PRKG1: variants seen among roughly 807,000 people sequenced by gnomAD.
PRKG1 encodes the protein protein kinase cGMP-dependent 1.
A neutral mutation model predicts 88.1 loss-of-function variants in PRKG1; 35 were observed. That is an observed-to-expected ratio of 0.40 (90% CI 0.30 to 0.53). PRKG1 has a LOEUF of 0.53. PRKG1 is among the 20% of genes least tolerant of loss of function. PRKG1 has a pLI of 0.59. For synonymous variants in PRKG1, 303 were observed against 292.5 expected, an observed-to-expected ratio of 1.04 and a Z score of -0.37; for missense variants, 540 against 839.8, an observed-to-expected ratio of 0.64 and a Z score of 4.41.
intron 1 of PRKG1, among the ~76,000 whole-genome samples, chr10:51,111,803 G>A (rs1290184469): frequency 6.6e-6 from 1 of 152,124 alleles, no homozygotes; most frequent in Non-Finnish European, 1.5e-5. Context: ...GAAGTTCGGA[G>A]AGGTGTTTTT....
At chr10:51,148,100 A>T (rs1456151178) in intron 1 of PRKG1, 1 of 253,266 alleles carries the variant, frequency 3.9e-6, no homozygotes, top group East Asian at 1.8e-4. Flanking sequence ...CAAATATTTC[A>T]CAATAGATGG....
intron 3 of PRKG1, among the ~76,000 whole-genome samples, chr10:51,600,499 C>T (rs1040267325): frequency 2.0e-5 from 3 of 152,234 alleles, no homozygotes; most frequent in African/African-American, 7.2e-5. Context: ...AAATAAAATA[C>T]AGCCACATAG....
At chr10:51,980,026 G>A (rs558166007) in intron 5 of PRKG1, among the ~76,000 whole-genome samples, 2 of 151,956 alleles carry the variant, frequency 1.3e-5, no homozygotes, top group East Asian at 3.9e-4. Flanking sequence ...TGCTGGCTTT[G>A]GGGTTGCTTT....
intron 5 of PRKG1, among the ~76,000 whole-genome samples, chr10:52,026,618 T>C (rs1013891857): frequency 2.4e-4 from 36 of 152,340 alleles, no homozygotes; most frequent in African/African-American, 7.7e-4. Flanking sequence ...GAAAAGATTC[T>C]TAAATTAGAG....
chr10:51,490,609 A>G (rs1840680292), intron 3 of PRKG1, among the ~76,000 whole-genome samples: 2 of 152,148 alleles, frequency 1.3e-5, no homozygotes, highest in African/African-American at 4.8e-5. Context: ...CACTCCTAAT[A>G]AGGAGCTGAG....
intron 4 of PRKG1, among the ~76,000 whole-genome samples, chr10:51,859,043 G>A (rs1212090217): frequency 1.3e-5 from 2 of 152,104 alleles, no homozygotes. Context: ...AAAAGCTCCT[G>A]CTTATTTGAG....
chr10:51,072,106 A>T (rs558188538), upstream of PRKG1, among the ~76,000 whole-genome samples: 17 of 152,198 alleles, frequency 1.1e-4, no homozygotes, highest in Admixed American at 2.6e-4. Flanking sequence ...GAGGCAGGAG[A>T]ATCACTTGAA....
rs1485652534 is a variant in PRKG1, at chr10:52,261,498, T to TG, written c.1173+9839dup. 9.3e-5 allele frequency among the ~76,000 whole-genome samples: 14 copies of TG among 150,336 alleles called. No individual in the cohort carries two copies. In the South Asian group the frequency reaches 2.3e-3, roughly 25 times the overall value. ...TGTGAGTGTGTGTGTGTGTAGGTGTTGGGGGGGCCTGTCTATGAATAGGAA... is the reference window on the plus strand; with the variant it reads ...TGTGAGTGTGTGTGTGTGTAGGTGTTGGGGGGGGCCTGTCTATGAATAGGAA... On this transcript the variant is annotated intron_variant, in intron 10 of 17. Coordinates refer to ENST00000373980, the MANE Select transcript of PRKG1 (RefSeq NM_006258.4).
At chr10:51,837,147 G>C (rs568367055) in intron 4 of PRKG1, among the ~76,000 whole-genome samples, 1 of 152,286 alleles carries the variant, frequency 6.6e-6, no homozygotes, top group South Asian at 2.1e-4. Flanking sequence ...TGATTTTTCA[G>C]TTAACGTGAT....
chr10:51,939,605 T>A (rs541192232), intron 5 of PRKG1, among the ~76,000 whole-genome samples: 10 of 147,308 alleles, frequency 6.8e-5, no homozygotes, highest in South Asian at 2.1e-4. Context: ...TTTTTTTTTT[T>A]AATTTTGAGA....
Position 52,210,435 on chromosome 10 carries a change from C to G in PRKG1, c.1077-41135C>G, listed in dbSNP as rs563176206. Among the ~76,000 whole-genome samples, 178 of 152,184 alleles carry G rather than the reference C, an allele frequency of 1.2e-3. 3 individuals carry two copies. In the South Asian group the frequency reaches 0.036, roughly 31 times the overall value. On this transcript the variant is annotated intron_variant, in intron 9 of 17. Coordinates refer to ENST00000373980, the MANE Select transcript of PRKG1 (RefSeq NM_006258.4). Reference sequence around the variant, plus strand: ...CTCAGAGAAGCCTTCCCTGACCACTCATTTAAAAAATATTTTCCACAAACT... The same window carrying G: ...CTCAGAGAAGCCTTCCCTGACCACTGATTTAAAAAATATTTTCCACAAACT...
chr10:51,838,994 A>C (rs1231371072), intron 4 of PRKG1, among the ~76,000 whole-genome samples: 2 of 152,192 alleles, frequency 1.3e-5, no homozygotes, highest in Admixed American at 6.5e-5. Context: ...AGGCAGATTC[A>C]AGAAACTGAC....
intron 1 of PRKG1, among the ~76,000 whole-genome samples, chr10:51,013,012 T>C (rs1843012518): frequency 6.6e-6 from 1 of 152,196 alleles, no homozygotes; most frequent in Admixed American, 6.5e-5. Context: ...AAAAAAGTCC[T>C]GTAGCTGGAA....
intron 8 of PRKG1, among the ~76,000 whole-genome samples, chr10:52,147,468 C>T (rs1271401487): frequency 6.6e-6 from 1 of 152,192 alleles, no homozygotes; most frequent in Non-Finnish European, 1.5e-5. Context: ...AATTAATGAT[C>T]AGAAAGACCC....
intron 9 of PRKG1, among the ~76,000 whole-genome samples, chr10:52,205,867 T>G (rs539666682): frequency 6.6e-6 from 1 of 152,262 alleles, no homozygotes; most frequent in South Asian, 2.1e-4. Flanking sequence ...CATGTCAACC[T>G]TGGAGTGTCT....
intron 5 of PRKG1, among the ~76,000 whole-genome samples, chr10:51,965,821 G>A (rs1843554273): frequency 1.3e-5 from 2 of 152,102 alleles, no homozygotes; most frequent in South Asian, 4.1e-4. Context: ...AGAATATTTT[G>A]TCAAAAATGG....
At chr10:51,769,959 T>G (rs1306936501) in intron 3 of PRKG1, among the ~76,000 whole-genome samples, 1 of 152,268 alleles carries the variant, frequency 6.6e-6, no homozygotes, top group Non-Finnish European at 1.5e-5. Flanking sequence ...GCATGTGGCC[T>G]ATGGGCCGTG....
intron 2 of PRKG1, among the ~76,000 whole-genome samples, chr10:51,194,666 CTTAG>C (rs1483809089): frequency 1.3e-5 from 2 of 151,884 alleles, no homozygotes; most frequent in Non-Finnish European, 2.9e-5. Flanking sequence ...GTGTGTGTAT[CTTAG>C]TTTGTTTTGT....
At chr10:51,479,834 G>C (rs1252630023) in intron 3 of PRKG1, among the ~76,000 whole-genome samples, 1 of 152,020 alleles carries the variant, frequency 6.6e-6, no homozygotes, top group Non-Finnish European at 1.5e-5. Context: ...TGTGGTGGTT[G>C]ACTTGGCACG....
Sources: gnomAD v4.1 joint callset for allele counts (sites outside exome capture counted in the v4.1 genomes callset) on GRCh38, gnomAD v4.1.1 for gene constraint, MANE v1.5 for transcripts, NCBI Gene and HGNC (gene_info 2026-07-23, HGNC 2026-07-21) for gene names.